Variants in SMARCA2 observed in about 807,000 individuals in gnomAD.
The protein encoded by SMARCA2 is SWI/SNF related BAF chromatin remodeling complex subunit ATPase 2.
Under a neutral mutation model 199.8 loss-of-function variants are expected in SMARCA2, and 61 were observed. The ratio of observed to expected loss-of-function variants is 0.31; its 90% CI spans 0.25 to 0.38. SMARCA2 has a LOEUF of 0.38. Among genes scored for constraint, SMARCA2 ranks in the 10% least tolerant of loss-of-function variants. SMARCA2 has a pLI of 1.00. For synonymous variants in SMARCA2, 935 were observed against 732.0 expected, an observed-to-expected ratio of 1.28 and a Z score of -4.48; for missense variants, 1,344 against 2,012.2, an observed-to-expected ratio of 0.67 and a Z score of 6.35.
intron 14 of SMARCA2, 74 bp downstream of exon 14, chr9:2,077,850 C>A: frequency 7.3e-7 from 1 of 1,366,030 alleles, no homozygotes; most frequent in Non-Finnish European, 1.0e-6. Flanking sequence ...ATGTCGTGCA[C>A]ATGTTGACTA....
intron 19 of SMARCA2, among the ~76,000 whole-genome samples, chr9:2,090,151 A>G (rs1821989995): frequency 6.6e-6 from 1 of 152,202 alleles, no homozygotes; most frequent in South Asian, 2.1e-4. Flanking sequence ...TTGCTTTACA[A>G]AAATATTTAT....
chr9:2,070,682 G>T (rs1265433389), intron 10 of SMARCA2, among the ~76,000 whole-genome samples: 1 of 152,194 alleles, frequency 6.6e-6, no homozygotes, highest in Non-Finnish European at 1.5e-5. Flanking sequence ...TCAATCAACT[G>T]ATATTAAATG....
Position 2,169,369 on chromosome 9 carries a change from C to T in SMARCA2, c.4200-1050C>T, listed in dbSNP as rs867981292. Among the ~76,000 whole-genome samples the T allele has an allele frequency of 2.0e-4, 30 of 152,294 alleles. No individual in the cohort carries two copies. The highest frequency in any genetic ancestry group is 3.4e-3 in the Middle Eastern group (1 of 294). On this transcript the variant is annotated intron_variant, in intron 28 of 33. Transcript: ENST00000349721. The surrounding 1 kb of genome is among the most constrained non-coding windows in gnomAD (Gnocchi z 6.5). ...ACCCGATGATGACCAGACTTCTTAG[C>T]GTAGGAGAATTGTTATCTTCCACAG...
At chr9:2,156,671 T>G (rs547344210) in intron 27 of SMARCA2, among the ~76,000 whole-genome samples, 2 of 152,162 alleles carry the variant, frequency 1.3e-5, no homozygotes, top group Non-Finnish European at 2.9e-5. Flanking sequence ...CCTCAGGTGA[T>G]TGACCTGCTT....
At chr9:2,034,235 T>G (rs1819214156) in intron 3 of SMARCA2, among the ~76,000 whole-genome samples, 1 of 116,936 alleles carries the variant, frequency 8.6e-6, no homozygotes. Context: ...AGAGCAAGAC[T>G]GCGTCTCAAA....
At chr9:2,045,622 G>GAAA (rs1357082325) in intron 4 of SMARCA2, 1 of 151,916 alleles carries the variant, frequency 6.6e-6, no homozygotes, top group Non-Finnish European at 1.5e-5. Context: ...GTATTTAGAT[G>GAAA]AAAAAACTTC....
intron 29 of SMARCA2, among the ~76,000 whole-genome samples, chr9:2,177,799 G>A (rs867352283): frequency 2.0e-5 from 3 of 152,138 alleles, no homozygotes; most frequent in Admixed American, 1.3e-4. Context: ...TGATCGGCCC[G>A]CCTCTGCCTC....
chr9:2,044,156 T>C (rs1819731939), intron 4 of SMARCA2: 4 of 152,278 alleles, frequency 2.6e-5, no homozygotes, highest in Admixed American at 2.6e-4. Flanking sequence ...AGGTAGACTT[T>C]GGGCAAGGCT....
At position 2,084,149 on chromosome 9, in the gene SMARCA2, T is replaced by C. The variant is rs1406128262; in HGVS notation, c.2479T>C (p.Leu827=). 1 of 1,611,892 alleles carries C rather than the reference T, an allele frequency of 6.2e-7. No homozygotes were observed. The highest frequency in any genetic ancestry group is 1.3e-5 in the African/African-American group (1 of 74,882). The change falls in exon 17 of 34, where the codon TTG becomes CTG. Residue 827 remains leucine, a synonymous_variant. Coordinates refer to ENST00000349721, the MANE Select transcript of SMARCA2 (RefSeq NM_003070.5). ...QLRSGKFNVL[L]TTYEYIIKDK... is the part of the protein sequence containing the mutation. ...ACGGAGTGGCAAATTCAATGTCCTC[T>C]TGACTACTTATGAGTATATTATAAA...
Position 2,123,971 on chromosome 9 carries a change from G to A in SMARCA2, c.3981+34G>A, listed in dbSNP as rs73638385. ...AGCTTTTCTAACCCGCTCTCACTAGGTGGAGGGTTTTTGGTGGCTTGGAGA... is the reference window on the plus strand; with the variant it reads ...AGCTTTTCTAACCCGCTCTCACTAGATGGAGGGTTTTTGGTGGCTTGGAGA... On this transcript the variant is annotated intron_variant, in intron 27 of 33. Transcript: ENST00000349721. The surrounding 1 kb of genome is among the most constrained non-coding windows in gnomAD (Gnocchi z 4.1). The A allele has an allele frequency of 6.8e-4, 1,039 of 1,524,330 alleles. 15 individuals carry two copies. The African/African-American group carries it at 0.013, about 18-fold the overall frequency. 94.4% of individuals were successfully genotyped at this position (1,524,330 alleles called of 1,614,324 possible).
intron 6 of SMARCA2, chr9:2,055,481 T>G (rs903986973): frequency 6.6e-6 from 1 of 152,220 alleles, no homozygotes; most frequent in Non-Finnish European, 1.5e-5. Flanking sequence ...AACGTTTCAT[T>G]GTTAGTCAGA....
chr9:2,084,065 T>C (rs1284092879), intron 16 of SMARCA2, 21 bp from the exon 17 acceptor site: 2 of 1,328,164 alleles, frequency 1.5e-6, no homozygotes. Context: ...ATCATGCATG[T>C]ATTTTTTTCT....
chr9:2,160,676 G>A, intron 27 of SMARCA2: 2 of 693,172 alleles, frequency 2.9e-6, no homozygotes, highest in Non-Finnish European at 5.3e-6. Flanking sequence ...ATTATCATTT[G>A]CATACTGGAG....
At chr9:2,023,942 C>G (rs1260865002) in intron 1 of SMARCA2, among the ~76,000 whole-genome samples, 2 of 152,156 alleles carry the variant, frequency 1.3e-5, no homozygotes, top group Non-Finnish European at 2.9e-5. Context: ...CTGTAACAGC[C>G]AGAACACTTT....
intron 9 of SMARCA2, among the ~76,000 whole-genome samples, chr9:2,062,747 A>G (rs990750587): frequency 6.6e-6 from 1 of 152,146 alleles, no homozygotes; most frequent in Non-Finnish European, 1.5e-5. Context: ...TGGGAGAAGG[A>G]GGGGTACAAT....
intron 9 of SMARCA2, among the ~76,000 whole-genome samples, chr9:2,062,400 T>C (rs1039538245): frequency 1.3e-5 from 2 of 152,206 alleles, no homozygotes; most frequent in Non-Finnish European, 2.9e-5. Context: ...TATTTTACAT[T>C]TCTTTGTGAT....
intron 31 of SMARCA2, among the ~76,000 whole-genome samples, 190 bp from the exon 32 acceptor site, chr9:2,185,906 T>TTCTGTATGAATG (rs2129938034): frequency 6.6e-6 from 1 of 152,350 alleles, no homozygotes; most frequent in Admixed American, 6.5e-5. Context: ...CATTTGGACT[T>TTCTGTATGAATG]TCTGTATGAA....
intron 27 of SMARCA2, among the ~76,000 whole-genome samples, chr9:2,152,159 T>G (rs1387520729): frequency 1.1e-4 from 17 of 152,174 alleles, no homozygotes; most frequent in Admixed American, 1.1e-3. Context: ...TTCCGTGAAA[T>G]TTCACCCCGA....
At chr9:2,121,946 A>C (rs1823478834) in intron 26 of SMARCA2, among the ~76,000 whole-genome samples, 1 of 152,234 alleles carries the variant, frequency 6.6e-6, no homozygotes, top group South Asian at 2.1e-4. Context: ...TAAGGTTTAT[A>C]ATCAGATCTC....
Sources: allele counts gnomAD v4.1 joint callset (sites outside exome capture counted in the v4.1 genomes callset), GRCh38; gene constraint gnomAD v4.1.1; non-coding constraint Gnocchi (gnomAD v3.1); transcripts MANE v1.5; gene names NCBI Gene and HGNC (gene_info 2026-07-23, HGNC 2026-07-21).